The following TPGS1 variants were observed in gnomAD, a reference collection of about 807,000 sequenced individuals.
The protein encoded by TPGS1 is gene trap ROSA b-geo 22.
In TPGS1, 18 loss-of-function variants were observed where a neutral mutation model predicts 11.9. The ratio of observed to expected loss-of-function variants is 1.51; its 90% confidence interval spans 1.04 to 2.24. The LOEUF is 2.24. Ranked by LOEUF, TPGS1 falls within the 30% of genes most tolerant of loss-of-function variation. The pLI, the probability that TPGS1 is intolerant of heterozygous loss-of-function variation, is 0.00. For missense variants in TPGS1, 500 were observed against 443.0 expected (o/e 1.13, Z -1.16); for synonymous variants, 247 against 218.2 (o/e 1.13, Z -1.16).
rs1333830745 is a variant in TPGS1 at position 519,246 on chromosome 19, C to G, written c.696C>G (p.Ser232Arg). 8.1e-7 allele frequency: 1 copy of G among 1,229,008 alleles called. No homozygotes were observed. Among genetic ancestry groups the G allele is most frequent in the African/African-American group, 1.6e-5 (1 of 63,048 alleles). The allele number at this position is 1,229,008 out of a possible 1,614,324, so 76.1% of individuals were successfully genotyped here. A position where few individuals can be genotyped will look rare whatever the true frequency, so the allele number is the denominator to read the frequency against. The stretch of plus-strand genomic sequence containing the variant: ...CCCTGGAGGGCGCGCTGCAGGCCAG[C>G]GACGCCGCCGCGCCCGCGCGCTTCC... ...LDTLEGALQASDAAAPARFLE... is the reference protein window; with the variant it reads ...LDTLEGALQARDAAAPARFLE... Residue 232 changes from serine to arginine, a missense_variant, in exon 2 of 2, where the codon AGC becomes AGG. By Grantham distance (110) the Ser-to-Arg change is moderately radical. Transcript: ENST00000359315.
intron 1 of TPGS1, among the ~76,000 whole-genome samples, chr19:513,196 G>T (rs1978851932): frequency 6.6e-6 from 1 of 152,260 alleles, no homozygotes; most frequent in Non-Finnish European, 1.5e-5. Context: ...GGGTCATGCG[G>T]AGAGGTCAGG....
chr19:519,591 C>G lies in TPGS1; in HGVS notation c.*168C>G. The G allele has an allele frequency of 2.0e-6, 1 of 500,996 alleles. No individual in the cohort carries two copies. 31.0% of individuals were successfully genotyped at this position (500,996 alleles called of 1,614,324 possible). ...GACGCCCGGTCCCCACACAGCGCCG[C>G]GGCCGCCCCTCCACCCCCGCGGGAG... is the stretch of plus-strand genomic sequence containing the variant. On this transcript the variant is annotated 3_prime_UTR_variant, in exon 2 of 2. Transcript: ENST00000359315.
intron 1 of TPGS1, among the ~76,000 whole-genome samples, chr19:516,572 A>G (rs1222434184): frequency 6.6e-6 from 1 of 152,076 alleles, no homozygotes; most frequent in Non-Finnish European, 1.5e-5. Flanking sequence ...TTTAGTAGAG[A>G]TGGGGTTTCA....
intron 1 of TPGS1, among the ~76,000 whole-genome samples, chr19:517,011 GCC>G (rs1491485438): frequency 0.16 from 24,250 of 151,934 alleles, 2,764 homozygotes; most frequent in African/African-American, 0.33. Context: ...ACAGATGCCT[GCC>G]GTTGATTCAA....
chr19:511,437 G>A (rs1316892838), intron 1 of TPGS1, among the ~76,000 whole-genome samples: 1 of 152,280 alleles, frequency 6.6e-6, no homozygotes, highest in Non-Finnish European at 1.5e-5. Context: ...CTGAGCTGCA[G>A]CCCTAATTAC....
intron 1 of TPGS1, among the ~76,000 whole-genome samples, chr19:516,119 C>A (rs1978947643): frequency 6.6e-6 from 1 of 151,942 alleles, no homozygotes; most frequent in Non-Finnish European, 1.5e-5. Flanking sequence ...TATTTGGCCA[C>A]ATGTAAACAG....
At chr19:512,208 G>T (rs1978817527) in intron 1 of TPGS1, among the ~76,000 whole-genome samples, 1 of 151,946 alleles carries the variant, frequency 6.6e-6, no homozygotes, top group South Asian at 2.1e-4. Context: ...CTGTCACGCA[G>T]CCTGCAGTGC....
chr19:513,455 T>C (rs1488765639), intron 1 of TPGS1, among the ~76,000 whole-genome samples: 2 of 152,108 alleles, frequency 1.3e-5, no homozygotes, highest in Admixed American at 1.3e-4. Flanking sequence ...CTCGCTGAGA[T>C]GGCACGTCCA....
In TPGS1 at chr19:518,988, G is replaced by A; in HGVS notation, c.438G>A (p.Leu146=). 1 of 1,581,844 alleles carries A rather than the reference G, an allele frequency of 6.3e-7. No individual in the cohort carries two copies. The highest frequency in any genetic ancestry group is 8.5e-7 in the Non-Finnish European group (1 of 1,171,490). The change falls in exon 2 of 2, where the codon CTG becomes CTA. Residue 146 remains leucine (L), a synonymous_variant. Transcript: ENST00000359315. ...PGLDGRTYSE[L]LRRICRDGQA... is the part of the protein sequence containing the mutation. ...TGGACGGGCGCACCTACAGCGAGCT[G>A]CTCAGGCGCATCTGCCGGGACGGCC...
rs1600396810 is a variant in TPGS1 at position 507,954 on chromosome 19, G to A, written c.338+110G>A. On this transcript the variant is annotated intron_variant, in intron 1 of 1. Transcript: ENST00000359315. ...CCGGCGCAGGGGCCCGGGGCTTGCT[G>A]GGAGTTGTAGTGCGCGATGCCTTCT... 13 of 884,260 alleles carry A rather than the reference G, an allele frequency of 1.5e-5. No individual in the cohort carries two copies. The East Asian group carries it at 4.3e-4, about 29-fold the overall frequency. The allele number at this position is 884,260 out of a possible 1,614,324, so 54.8% of individuals were successfully genotyped here. A position where few individuals can be genotyped will look rare whatever the true frequency, so the allele number is the denominator to read the frequency against.
rs1416160442 is a variant in TPGS1, at chr19:507,599, G to A, written c.93G>A (p.Ala31=). The change falls in exon 1 of 2, where the codon GCG becomes GCA. Residue 31 remains alanine, a synonymous_variant. Transcript: ENST00000359315. ...GRQSVSRAAG[A]AESEEDFLRQ... is the part of the protein sequence containing the mutation. Reference sequence around the variant, plus strand: ...AGTCGGTATCCCGGGCGGCGGGGGCGGCCGAGAGCGAGGAGGACTTCCTGC... The same window carrying A: ...AGTCGGTATCCCGGGCGGCGGGGGCAGCCGAGAGCGAGGAGGACTTCCTGC... 7.0e-5 allele frequency: 98 copies of A among 1,400,084 alleles called. No individual in the cohort carries two copies. The highest frequency in any genetic ancestry group is 9.2e-5 in the Non-Finnish European group (98 of 1,067,410). The allele number at this position is 1,400,084 out of a possible 1,614,324, so 86.7% of individuals were successfully genotyped here. A position where few individuals can be genotyped will look rare whatever the true frequency, so the allele number is the denominator to read the frequency against.
At position 507,598 on chromosome 19, in the gene TPGS1, C is replaced by A; in HGVS notation, c.92C>A (p.Ala31Glu). Residue 31 changes from alanine to glutamate, a missense_variant, in exon 1 of 2, where the codon GCG (alanine) becomes GAG (glutamate). Coordinates refer to ENST00000359315, the MANE Select transcript of TPGS1 (RefSeq NM_033513.3). ...GRQSVSRAAG[A>E]AESEEDFLRQ... The stretch of plus-strand genomic sequence containing the variant: ...CAGTCGGTATCCCGGGCGGCGGGGG[C>A]GGCCGAGAGCGAGGAGGACTTCCTG... 7.2e-7 allele frequency: 1 copy of A among 1,397,432 alleles called. No homozygotes were observed. Among genetic ancestry groups the A allele is most frequent in the Non-Finnish European group, 9.4e-7 (1 of 1,066,104 alleles). 86.6% of individuals were successfully genotyped at this position (1,397,432 alleles called of 1,614,324 possible).
intron 1 of TPGS1, among the ~76,000 whole-genome samples, chr19:515,416 A>G (rs914180551): frequency 6.6e-6 from 1 of 151,266 alleles, no homozygotes; most frequent in Non-Finnish European, 1.5e-5. Flanking sequence ...AAAAAAAAAA[A>G]GAAAAAATGC....
In TPGS1 at chr19:519,010, G is replaced by A. The variant is rs771797124; in HGVS notation, c.460G>A (p.Gly154Ser). Residue 154 changes from glycine (G) to serine (S), a missense_variant, in exon 2 of 2, where the codon GGC becomes AGC. Physicochemically the swap from Gly to Ser is moderately conservative, Grantham distance 56 (BLOSUM62 0). Coordinates refer to ENST00000359315, the MANE Select transcript of TPGS1 (RefSeq NM_033513.3). ...SELLRRICRDGQAPEEVVAPL... is the reference protein window; with the variant it reads ...SELLRRICRDSQAPEEVVAPL... ...GCTGCTCAGGCGCATCTGCCGGGAC[G>A]GCCAAGCCCCCGAGGAGGTGGTGGC... 1.7e-5 allele frequency: 26 copies of A among 1,568,320 alleles called. No individual in the cohort carries two copies. The South Asian group carries it at 2.8e-4, about 17-fold the overall frequency.
intron 1 of TPGS1, 184 bp downstream of exon 1, chr19:508,028 C>A (rs933594624): frequency 1.5e-5 from 7 of 451,832 alleles, no homozygotes; most frequent in Non-Finnish European, 2.6e-5. Context: ...GGGCTTCGGT[C>A]CGGCGCTAGG....
At chr19:510,696 G>A (rs901299174) in intron 1 of TPGS1, among the ~76,000 whole-genome samples, 1 of 152,218 alleles carries the variant, frequency 6.6e-6, no homozygotes, top group South Asian at 2.1e-4. Context: ...TGGGGTCAGA[G>A]AGCCCCAGAG....
rs1349575776 is a variant in TPGS1 at position 507,988 on chromosome 19, A to T, written c.338+144A>T. ...AGTGCGCGATGCCTTCTTGGGTGGGATGGATCGGACAAGGTGGGCTGGAGG... is the reference window on the plus strand; with the variant it reads ...AGTGCGCGATGCCTTCTTGGGTGGGTTGGATCGGACAAGGTGGGCTGGAGG... On this transcript the variant is annotated intron_variant, in intron 1 of 1. Coordinates refer to ENST00000359315, the MANE Select transcript of TPGS1 (RefSeq NM_033513.3). The T allele has an allele frequency of 6.5e-6, 4 of 612,118 alleles. No individual in the cohort carries two copies. In the African/African-American group the frequency reaches 7.6e-5, roughly 12 times the overall value. 37.9% of individuals were successfully genotyped at this position (612,118 alleles called of 1,614,324 possible).
At position 507,723 on chromosome 19, in the gene TPGS1, A is replaced by T. The variant is rs765050982; in HGVS notation, c.217A>T (p.Asn73Tyr). 16 of 1,401,728 alleles carry T rather than the reference A, an allele frequency of 1.1e-5. No homozygotes were observed. The highest frequency in any genetic ancestry group is 1.5e-5 in the Non-Finnish European group (16 of 1,073,460). The allele number at this position is 1,401,728 out of a possible 1,614,324, so 86.8% of individuals were successfully genotyped here. Reference sequence around the variant, plus strand: ...CGCCTTCCTGGCTCACTACTTCGAGAACATGGGCCTGCGCTCGCCTGTAAA... The same window carrying T: ...CGCCTTCCTGGCTCACTACTTCGAGTACATGGGCCTGCGCTCGCCTGTAAA... ...PIAFLAHYFE[N>Y]MGLRSPVNGG... Residue 73 changes from asparagine to tyrosine, a missense_variant, in exon 1 of 2, where the codon AAC becomes TAC. Physicochemically the swap from Asn to Tyr is moderately radical, Grantham distance 143. Transcript: ENST00000359315.
chr19:508,567 G>GGT (rs977740942), intron 1 of TPGS1: 2 of 94,324 alleles, frequency 2.1e-5, no homozygotes, highest in East Asian at 4.4e-4. Flanking sequence ...GTCTTTTGTT[G>GGT]GGGGGGGGGT....
Sources: gnomAD v4.1 joint callset for allele counts (sites outside exome capture counted in the v4.1 genomes callset) on GRCh38, gnomAD v4.1.1 for gene constraint, MANE v1.5 for transcripts, NCBI Gene and HGNC (gene_info 2026-07-23, HGNC 2026-07-21) for gene names.